DGKI: variants seen among roughly 807,000 people sequenced by gnomAD.
The protein encoded by DGKI is diacylglycerol kinase iota, also known as DAG kinase iota.
Under a neutral mutation model 147.5 loss-of-function variants are expected in DGKI, and 55 were observed. The observed-to-expected ratio is 0.37, with a 90% CI of 0.30 to 0.47. The LOEUF is 0.47. Among genes scored for constraint, DGKI ranks in the 20% least tolerant of loss-of-function variants. The probability of loss-of-function intolerance (pLI) is 1.00; values close to 1 mark genes in which losing one functional copy is unlikely to be tolerated. For synonymous variants in DGKI, 469 were observed against 477.1 expected, an observed-to-expected ratio of 0.98 and a Z score of 0.22; for missense variants, 1,007 against 1,323.8, an observed-to-expected ratio of 0.76 and a Z score of 3.71.
At chr7:137,413,597 T>C (rs1585090081) in intron 28 of DGKI, among the ~76,000 whole-genome samples, 1 of 152,338 alleles carries the variant, frequency 6.6e-6, no homozygotes, top group African/African-American at 2.4e-5. Context: ...ACCCATGTTG[T>C]TACAAAGGAC....
chr7:137,578,889 T>A (rs965741365), intron 15 of DGKI, among the ~76,000 whole-genome samples: 2 of 152,176 alleles, frequency 1.3e-5, no homozygotes, highest in African/African-American at 4.8e-5. Flanking sequence ...AAAGTAGATA[T>A]AAAATTGGGA....
chr7:137,504,122 T>G (rs1427700182), intron 21 of DGKI, among the ~76,000 whole-genome samples: 3 of 152,110 alleles, frequency 2.0e-5, no homozygotes, highest in Non-Finnish European at 4.4e-5. Flanking sequence ...TAAGTCCATG[T>G]GAAAGTGATA....
At chr7:137,737,481 A>G (rs1372108400) in intron 1 of DGKI, among the ~76,000 whole-genome samples, 1 of 151,702 alleles carries the variant, frequency 6.6e-6, no homozygotes, top group East Asian at 1.9e-4. Context: ...AAAAACCTTG[A>G]TGATAATGGA....
At chr7:137,499,888 A>G (rs955151308) in intron 21 of DGKI, among the ~76,000 whole-genome samples, 1 of 152,156 alleles carries the variant, frequency 6.6e-6, no homozygotes. Context: ...AACCTGGACT[A>G]ACACACACAA....
chr7:137,555,463 C>A (rs114556386), intron 19 of DGKI, among the ~76,000 whole-genome samples: 1 of 151,806 alleles, frequency 6.6e-6, no homozygotes, highest in East Asian at 2.0e-4. Context: ...GAGGTCAAGG[C>A]CGCAGTGAGC....
intron 8 of DGKI, among the ~76,000 whole-genome samples, chr7:137,615,181 C>A (rs1288595613): frequency 2.0e-5 from 3 of 152,126 alleles, no homozygotes; most frequent in Non-Finnish European, 4.4e-5. Flanking sequence ...CTCTCACCAT[C>A]CTTTGTGTGT....
chr7:137,654,878 T>C (rs1822163773), intron 4 of DGKI, 90 bp from the exon 5 acceptor site: 4 of 808,488 alleles, frequency 4.9e-6, no homozygotes, highest in Middle Eastern at 5.9e-4. Context: ...GTGACAGATA[T>C]TGAGACTGAA....
chr7:137,665,433 G>A (rs1403295359), intron 3 of DGKI, among the ~76,000 whole-genome samples: 2 of 152,170 alleles, frequency 1.3e-5, no homozygotes, highest in African/African-American at 4.8e-5. Flanking sequence ...TGCTGTTCAT[G>A]TGTATGCTGG....
chr7:137,676,976 A>G (rs1349896276), intron 3 of DGKI, among the ~76,000 whole-genome samples: 1 of 152,214 alleles, frequency 6.6e-6, no homozygotes, highest in African/African-American at 2.4e-5. Context: ...AAAAGTATAT[A>G]TGTAAGTAAT....
intron 13 of DGKI, among the ~76,000 whole-genome samples, 190 bp from the exon 14 acceptor site, chr7:137,585,536 T>C (rs1819361961): frequency 6.6e-6 from 1 of 152,212 alleles, no homozygotes; most frequent in African/African-American, 2.4e-5. Flanking sequence ...ATAGAAACAC[T>C]AGTTCTGGCT....
chr7:137,750,854 A>G lies in DGKI; in HGVS notation c.402-60852T>C, dbSNP rs190394480. On this transcript the variant is annotated intron_variant, in intron 1 of 32. Transcript: ENST00000614521. ...AAGACTTCATGTTGATATTCTCCAC[A>G]TCCACAGAGAATCTGGCTTGAAAAT... is the stretch of plus-strand genomic sequence containing the variant. 3.3e-3 allele frequency among the ~76,000 whole-genome samples: 496 copies of G among 152,342 alleles called. 3 individuals carry two copies. The highest frequency in any genetic ancestry group is 0.011 in the African/African-American group (477 of 41,576).
intron 1 of DGKI, among the ~76,000 whole-genome samples, chr7:137,706,183 C>A (rs1033962301): frequency 2.6e-5 from 4 of 151,534 alleles, no homozygotes; most frequent in African/African-American, 9.7e-5. Flanking sequence ...ACTATATTGC[C>A]AGGATCAAGG....
At chr7:137,429,068 G>T (rs1270074124) in intron 28 of DGKI, among the ~76,000 whole-genome samples, 1 of 151,980 alleles carries the variant, frequency 6.6e-6, no homozygotes, top group Non-Finnish European at 1.5e-5. Context: ...AGTTCATATG[G>T]AACCAAAAAA....
chr7:137,519,949 T>C (rs1816907133), intron 21 of DGKI, among the ~76,000 whole-genome samples: 2 of 152,160 alleles, frequency 1.3e-5, no homozygotes, highest in South Asian at 4.1e-4. Context: ...ATGTGTTCTT[T>C]GGGGTCCCAA....
chr7:137,813,593 C>T (rs1198580324), intron 1 of DGKI, among the ~76,000 whole-genome samples: 1 of 152,218 alleles, frequency 6.6e-6, no homozygotes, highest in Non-Finnish European at 1.5e-5. Flanking sequence ...CTGATGTCAA[C>T]TCCTTCCTCC....
At chr7:137,730,804 A>G (rs1251608344) in intron 1 of DGKI, among the ~76,000 whole-genome samples, 2 of 152,076 alleles carry the variant, frequency 1.3e-5, no homozygotes, top group African/African-American at 4.8e-5. Flanking sequence ...CCAAAGCTTT[A>G]GAGCTGGTTT....
chr7:137,673,564 G>A (rs1822927098), intron 3 of DGKI, among the ~76,000 whole-genome samples: 1 of 152,106 alleles, frequency 6.6e-6, no homozygotes, highest in South Asian at 2.1e-4. Context: ...TTTAAATCAG[G>A]AAACTGAGGC....
Position 137,465,932 on chromosome 7 carries a change from T to G in DGKI, c.2588A>C (p.Asp863Ala). The change falls in exon 26 of 33, where the codon GAC (aspartate) becomes GCC (alanine). Residue 863 changes from aspartate to alanine, a missense_variant. By Grantham distance (126) the Asp-to-Ala change is moderately radical. Around this residue, in one of 5 missense-constraint regions of DGKI, gnomAD observed 385 missense variants for 445.2 expected, o/e 0.86. Coordinates refer to ENST00000614521, the MANE Select transcript of DGKI (RefSeq NM_001321708.2). ...QPAGTPPGMPDLVVEQASGIS... is the reference protein window; with the variant it reads ...QPAGTPPGMPALVVEQASGIS... ...CCCCGAGGCTTGTTCCACCACCAGG[T>G]CAGGCATGCCCGGAGGTGTCCCCGC... 1 of 1,614,052 alleles carries G rather than the reference T, an allele frequency of 6.2e-7. No individual in the cohort carries two copies. Among genetic ancestry groups the G allele is most frequent in the Non-Finnish European group, 8.5e-7 (1 of 1,179,966 alleles).
chr7:137,458,452 G>A (rs1005540749), intron 27 of DGKI, among the ~76,000 whole-genome samples: 2 of 152,082 alleles, frequency 1.3e-5, no homozygotes, highest in Non-Finnish European at 2.9e-5. Context: ...AGGACTTGGG[G>A]ACATTGAGAA....
Sources: gnomAD v4.1 joint callset for allele counts (sites outside exome capture counted in the v4.1 genomes callset) on GRCh38, gnomAD v4.1.1 for gene constraint, gnomAD v4.1.1 regional missense constraint, MANE v1.5 for transcripts, NCBI Gene and HGNC (gene_info 2026-07-23, HGNC 2026-07-21) for gene names.